Variants in CNTNAP2 observed in about 807,000 individuals in gnomAD.
The protein encoded by CNTNAP2 is contactin associated protein 2.
A neutral mutation model predicts 155.2 loss-of-function variants in CNTNAP2; 98 were observed. That is an observed-to-expected ratio of 0.63 (90% CI 0.54 to 0.75). CNTNAP2 has a LOEUF of 0.75. Among genes scored for constraint, CNTNAP2 ranks in the 30% least tolerant of loss-of-function variants. The pLI, the probability that CNTNAP2 is intolerant of heterozygous loss-of-function variation, is 0.00. For synonymous variants in CNTNAP2, 651 were observed against 631.2 expected (o/e 1.03, Z -0.47); for missense variants, 1,727 against 1,688.1 (o/e 1.02, Z -0.40).
intron 1 of CNTNAP2, among the ~76,000 whole-genome samples, chr7:146,393,056 A>T (rs889311980): frequency 6.6e-6 from 1 of 152,316 alleles, no homozygotes; most frequent in Admixed American, 6.5e-5. Context: ...CAGAGCATCA[A>T]TGAAATGAAG....
At chr7:147,102,139 A>C (rs553902169) in intron 4 of CNTNAP2, among the ~76,000 whole-genome samples, 11 of 152,262 alleles carry the variant, frequency 7.2e-5, no homozygotes, top group Admixed American at 6.5e-4. Context: ...AAAAATATCA[A>C]AGTGAAATAT....
chr7:147,781,136 A>G (rs1484404294), intron 13 of CNTNAP2, among the ~76,000 whole-genome samples: 1 of 152,248 alleles, frequency 6.6e-6, no homozygotes, highest in African/African-American at 2.4e-5. Flanking sequence ...AATAATGAAA[A>G]TGACATATTT....
At chr7:147,036,414 G>T (rs1393820813) in intron 3 of CNTNAP2, among the ~76,000 whole-genome samples, 1 of 152,066 alleles carries the variant, frequency 6.6e-6, no homozygotes, top group African/African-American at 2.4e-5. Flanking sequence ...TGTTAAAAAA[G>T]TTCTAAATTT....
At chr7:147,136,944 T>C (rs1179456985) in intron 8 of CNTNAP2, among the ~76,000 whole-genome samples, 1 of 151,946 alleles carries the variant, frequency 6.6e-6, no homozygotes, top group Non-Finnish European at 1.5e-5. Context: ...AGAGATTTGT[T>C]TTATTATGTT....
chr7:147,574,286 A>T (rs775524589), intron 12 of CNTNAP2, among the ~76,000 whole-genome samples: 1 of 151,046 alleles, frequency 6.6e-6, no homozygotes, highest in Non-Finnish European at 1.5e-5. Context: ...GATTCTGTTC[A>T]TTTTTTTCTG....
intron 1 of CNTNAP2, among the ~76,000 whole-genome samples, chr7:146,627,236 C>T (rs1198047179): frequency 1.3e-5 from 2 of 152,074 alleles, no homozygotes; most frequent in African/African-American, 2.4e-5. Context: ...TCAGTCACCT[C>T]CCACCATCTT....
At chr7:146,956,368 T>C (rs2129229231) in intron 3 of CNTNAP2, among the ~76,000 whole-genome samples, 1 of 152,264 alleles carries the variant, frequency 6.6e-6, no homozygotes, top group South Asian at 2.1e-4. Flanking sequence ...ATTGCAAATA[T>C]CTTGTTTACT....
intron 13 of CNTNAP2, among the ~76,000 whole-genome samples, chr7:147,764,362 C>T (rs1189416893): frequency 6.6e-6 from 1 of 152,174 alleles, no homozygotes; most frequent in African/African-American, 2.4e-5. Flanking sequence ...ACTCCAAATA[C>T]CTAATTTTCA....
intron 1 of CNTNAP2, among the ~76,000 whole-genome samples, chr7:146,336,247 G>C (rs1801273141): frequency 6.6e-6 from 1 of 150,534 alleles, no homozygotes; most frequent in African/African-American, 2.4e-5. Context: ...TCTATAGTGA[G>C]ACAAGTAATC....
intron 1 of CNTNAP2, among the ~76,000 whole-genome samples, chr7:146,576,795 T>G (rs58288305): frequency 5.2e-4 from 79 of 152,202 alleles, no homozygotes; most frequent in African/African-American, 1.8e-3. Flanking sequence ...TTCATATCTA[T>G]CTCGATGGAT....
chr7:146,835,428 A>G lies in CNTNAP2; in HGVS notation c.209-4283A>G, dbSNP rs370623586. Among the ~76,000 whole-genome samples, 7 of 152,156 alleles carry G rather than the reference A, an allele frequency of 4.6e-5. No homozygotes were observed. In the East Asian group the frequency reaches 1.4e-3, roughly 29 times the overall value. On this transcript the variant is annotated intron_variant, in intron 2 of 23. Transcript: ENST00000361727. ...CTATAAAATTTCTTCAAGGTTTCGA[A>G]CTGTATATCTAACAGGTAAGAAAAT...
chr7:146,658,728 G>A (rs1800035280), intron 1 of CNTNAP2, among the ~76,000 whole-genome samples: 1 of 152,212 alleles, frequency 6.6e-6, no homozygotes, highest in South Asian at 2.1e-4. Context: ...TCTCATGACT[G>A]ATCCAGTGAT....
intron 1 of CNTNAP2, among the ~76,000 whole-genome samples, chr7:146,537,487 C>T (rs1017999137): frequency 1.3e-5 from 2 of 152,032 alleles, no homozygotes; most frequent in African/African-American, 4.8e-5. Flanking sequence ...TGTCATCATG[C>T]GAGTCACAGT....
chr7:146,154,273 A>G (rs1798092950), intron 1 of CNTNAP2, among the ~76,000 whole-genome samples: 2 of 152,170 alleles, frequency 1.3e-5, no homozygotes, highest in Non-Finnish European at 2.9e-5. Flanking sequence ...AAGGGTTGCT[A>G]TATATTCCCC....
chr7:148,146,105 C>T (rs1044234185), intron 16 of CNTNAP2, among the ~76,000 whole-genome samples: 3 of 152,100 alleles, frequency 2.0e-5, no homozygotes, highest in African/African-American at 7.2e-5. Flanking sequence ...AGTTTGATTG[C>T]TTGTGACATC....
chr7:146,213,601 C>T (rs1441299857), intron 1 of CNTNAP2, among the ~76,000 whole-genome samples: 1 of 152,098 alleles, frequency 6.6e-6, no homozygotes, highest in African/African-American at 2.4e-5. Flanking sequence ...AGAATGACTA[C>T]TCTGGTTAGT....
intron 16 of CNTNAP2, among the ~76,000 whole-genome samples, chr7:148,122,231 C>A (rs1390023698): frequency 6.6e-6 from 1 of 152,116 alleles, no homozygotes; most frequent in Non-Finnish European, 1.5e-5. Context: ...GTGTTTGACC[C>A]CAAACATTAT....
chr7:146,220,941 G>A (rs778505599), intron 1 of CNTNAP2, among the ~76,000 whole-genome samples: 4 of 152,210 alleles, frequency 2.6e-5, no homozygotes, highest in Non-Finnish European at 5.9e-5. Context: ...ATCCCACCCA[G>A]TCTGAGGCCT....
At chr7:147,213,389 A>C (rs973548457) in intron 8 of CNTNAP2, among the ~76,000 whole-genome samples, 2 of 152,126 alleles carry the variant, frequency 1.3e-5, no homozygotes, top group Non-Finnish European at 2.9e-5. Flanking sequence ...AGGCACACCC[A>C]AAAATAATAT....
Sources: allele counts gnomAD v4.1 joint callset (sites outside exome capture counted in the v4.1 genomes callset), GRCh38; gene constraint gnomAD v4.1.1; transcripts MANE v1.5; gene names NCBI Gene and HGNC (gene_info 2026-07-23, HGNC 2026-07-21).